The following SEL1L2 variants were observed in gnomAD, a reference collection of about 807,000 sequenced individuals.
The protein encoded by SEL1L2 is protein sel-1 homolog 2.
SEL1L2 carries 89 observed loss-of-function variants against 98.8 expected under a neutral mutation model. That is an observed-to-expected ratio of 0.90 (90% CI 0.76 to 1.07). The LOEUF is 1.07. Ranked by LOEUF, SEL1L2 falls within the 50% of genes least tolerant of loss-of-function variation. The pLI is 0.00. For synonymous variants in SEL1L2, 262 were observed against 278.5 expected (o/e 0.94, Z 0.59); for missense variants, 788 against 812.0 (o/e 0.97, Z 0.36).
intron 17 of SEL1L2, among the ~76,000 whole-genome samples, chr20:13,863,788 G>A (rs1600495631): frequency 6.6e-6 from 1 of 152,000 alleles, no homozygotes; most frequent in East Asian, 1.9e-4. Context: ...TGGTCCACAT[G>A]GTGAAATCCC....
chr20:13,901,075 C>CTTTT (rs1258936237), intron 5 of SEL1L2, among the ~76,000 whole-genome samples: 14 of 126,346 alleles, frequency 1.1e-4, no homozygotes, highest in South Asian at 4.8e-4. Context: ...TTCTTTCTTT[C>CTTTT]TTTTTTTTTT....
chr20:13,869,592 T>G lies in SEL1L2; in HGVS notation c.1168-2A>C, dbSNP rs1464254681. On this transcript the variant is annotated splice_acceptor_variant, in intron 13 of 19. Transcript: ENST00000284951. LOFTEE classifies it high-confidence loss of function. ...GTATTTAAGTGCTTCGGCATAATTC[T>G]GCAAGATAATTACACTCTATTACTC... 1 of 1,612,522 alleles carries G rather than the reference T, an allele frequency of 6.2e-7. No individual in the cohort carries two copies. The highest frequency in any genetic ancestry group is 8.5e-7 in the Non-Finnish European group (1 of 1,178,672).
chr20:13,886,582 A>C, intron 8 of SEL1L2, 140 bp from the exon 9 acceptor site: 1 of 788,928 alleles, frequency 1.3e-6, no homozygotes, highest in Non-Finnish European at 1.9e-6. Flanking sequence ...AAGATCCATG[A>C]AAAATAGAAA....
intron 1 of SEL1L2, among the ~76,000 whole-genome samples, chr20:13,981,256 AG>A (rs1457338857): frequency 5.3e-5 from 8 of 152,282 alleles, no homozygotes; most frequent in African/African-American, 1.9e-4. Flanking sequence ...CCTAAAAAAA[AG>A]AAAGAAAGAA....
chr20:13,921,852 C>G (rs114751084), intron 3 of SEL1L2, among the ~76,000 whole-genome samples: 1 of 151,988 alleles, frequency 6.6e-6, no homozygotes, highest in South Asian at 2.1e-4. Context: ...AGATTTGGAA[C>G]GTCATTTACT....
At chr20:13,932,435 A>ATT (rs1417890718) in intron 2 of SEL1L2, among the ~76,000 whole-genome samples, 2,283 of 148,336 alleles carry the variant, frequency 0.015, 30 homozygotes, top group Non-Finnish European at 0.027. Flanking sequence ...TATTATTATT[A>ATT]TTATTATTAT....
chr20:13,877,978 G>C (rs986102285), intron 10 of SEL1L2, among the ~76,000 whole-genome samples: 2 of 152,186 alleles, frequency 1.3e-5, no homozygotes, highest in Non-Finnish European at 2.9e-5. Flanking sequence ...GTTTTACTGT[G>C]GTTGGCAGAA....
intron 2 of SEL1L2, among the ~76,000 whole-genome samples, chr20:13,954,338 C>T (rs1429116949): frequency 3.3e-5 from 5 of 152,086 alleles, no homozygotes; most frequent in Non-Finnish European, 5.9e-5. Flanking sequence ...ATGGTAAGTT[C>T]AGTGAGCTGA....
intron 18 of SEL1L2, among the ~76,000 whole-genome samples, chr20:13,857,644 G>C (rs1436698542): frequency 6.6e-6 from 1 of 152,210 alleles, no homozygotes; most frequent in Non-Finnish European, 1.5e-5. Context: ...GGATAGGAAA[G>C]CTAACATGAA....
intron 5 of SEL1L2, among the ~76,000 whole-genome samples, chr20:13,905,059 G>A (rs918509238): frequency 6.6e-6 from 1 of 152,076 alleles, no homozygotes; most frequent in African/African-American, 2.4e-5. Flanking sequence ...TCAGTATAAA[G>A]CTCATTCTTA....
chr20:13,940,232 G>GT (rs1358981582), intron 2 of SEL1L2, among the ~76,000 whole-genome samples: 1 of 152,228 alleles, frequency 6.6e-6, no homozygotes, highest in Non-Finnish European at 1.5e-5. Context: ...AGAGGGGTTG[G>GT]TGCATAATTT....
Position 13,888,497 on chromosome 20 carries a change from A to T in SEL1L2, c.565T>A (p.Ser189Thr). 6.4e-7 allele frequency: 1 copy of T among 1,562,904 alleles called. No individual in the cohort carries two copies. Among genetic ancestry groups the T allele is most frequent in the Non-Finnish European group, 8.7e-7 (1 of 1,143,480 alleles). Residue 189 changes from serine to threonine, a missense_variant, in exon 6 of 20, where the codon TCT (serine) becomes ACT (threonine). Transcript: ENST00000284951. ...TATTCCATTCCTATTCCATAAGAAG[A>T]CAAAAATCCTAATGCCTAAAGCACA... is the stretch of plus-strand genomic sequence containing the variant. ...CKAQNALGFLSSYGIGMEYDQ... is the reference protein window; with the variant it reads ...CKAQNALGFLTSYGIGMEYDQ...
At chr20:13,896,904 C>T (rs2047451122) in intron 5 of SEL1L2, among the ~76,000 whole-genome samples, 1 of 152,092 alleles carries the variant, frequency 6.6e-6, no homozygotes, top group African/African-American at 2.4e-5. Context: ...ATAGAAAAAC[C>T]CATCCTAAAA....
At chr20:13,948,998 T>C (rs2050140663) in intron 2 of SEL1L2, among the ~76,000 whole-genome samples, 1 of 152,206 alleles carries the variant, frequency 6.6e-6, no homozygotes, top group Admixed American at 6.5e-5. Context: ...TGGGTCAGTT[T>C]TCGTATAACA....
chr20:13,989,610 C>A (rs765727687), intron 1 of SEL1L2, among the ~76,000 whole-genome samples: 1 of 152,142 alleles, frequency 6.6e-6, no homozygotes, highest in Non-Finnish European at 1.5e-5. Context: ...TTTTCAATAT[C>A]TTCTATCAGG....
At chr20:13,990,073 A>T (rs1054259913) in intron 1 of SEL1L2, among the ~76,000 whole-genome samples, 10 of 152,228 alleles carry the variant, frequency 6.6e-5, no homozygotes, top group East Asian at 1.9e-4. Flanking sequence ...TAAATATTTT[A>T]AAAAAGCATG....
At chr20:13,864,188 CAT>C (rs1990629092) in intron 17 of SEL1L2, among the ~76,000 whole-genome samples, 1 of 152,084 alleles carries the variant, frequency 6.6e-6, no homozygotes, top group Non-Finnish European at 1.5e-5. Context: ...TTTTATAAAA[CAT>C]AGACTTTTTA....
At chr20:13,856,676 T>C (rs1989220221) in intron 18 of SEL1L2, among the ~76,000 whole-genome samples, 1 of 152,156 alleles carries the variant, frequency 6.6e-6, no homozygotes, top group South Asian at 2.1e-4. Flanking sequence ...AACTTCCTTT[T>C]TGAAAGACAG....
intron 12 of SEL1L2, among the ~76,000 whole-genome samples, chr20:13,870,747 AC>A (rs1295433381): frequency 6.6e-6 from 1 of 152,082 alleles, no homozygotes; most frequent in African/African-American, 2.4e-5. Flanking sequence ...ACATGGTGAA[AC>A]CCTGTCTCTA....
Sources: allele counts gnomAD v4.1 joint callset (sites outside exome capture counted in the v4.1 genomes callset), GRCh38; gene constraint gnomAD v4.1.1; transcripts MANE v1.5; gene names NCBI Gene and HGNC (gene_info 2026-07-23, HGNC 2026-07-21).